Variants in CRIM1 observed in about 807,000 individuals in gnomAD.
CRIM1 encodes cysteine rich transmembrane BMP regulator 1.
CRIM1 carries 32 observed loss-of-function variants against 116.4 expected under a neutral mutation model. The ratio of observed to expected loss-of-function variants is 0.27; its 90% CI spans 0.21 to 0.37. The LOEUF (loss-of-function observed/expected upper bound fraction) is 0.37, where lower values mean the gene tolerates loss of function less well. CRIM1 is among the 10% of genes least tolerant of loss of function. CRIM1 has a pLI of 1.00. For missense variants in CRIM1, 1,331 were observed against 1,354.8 expected (o/e 0.98, Z 0.28); for synonymous variants, 590 against 509.2 (o/e 1.16, Z -2.13).
At chr2:36,405,004 C>T (rs1346813887) in intron 2 of CRIM1, among the ~76,000 whole-genome samples, 1 of 152,010 alleles carries the variant, frequency 6.6e-6, no homozygotes, top group African/African-American at 2.4e-5. Context: ...CGATTGTTAC[C>T]TCGTCCTTGG....
intron 2 of CRIM1, among the ~76,000 whole-genome samples, chr2:36,408,067 G>A (rs1672946110): frequency 1.3e-5 from 2 of 152,190 alleles, no homozygotes; most frequent in Non-Finnish European, 2.9e-5. Context: ...AGTTGTAGGT[G>A]AGCAGGTTTT....
At chr2:36,372,450 A>G (rs1028226763) in intron 1 of CRIM1, among the ~76,000 whole-genome samples, 1 of 152,220 alleles carries the variant, frequency 6.6e-6, no homozygotes, top group Non-Finnish European at 1.5e-5. Context: ...ACAAATTAAG[A>G]TGGAATAAGA....
At chr2:36,525,275 A>G (rs552707478) in intron 13 of CRIM1, among the ~76,000 whole-genome samples, 2 of 152,344 alleles carry the variant, frequency 1.3e-5, no homozygotes, top group African/African-American at 2.4e-5. Context: ...TAGCCCTGCT[A>G]TATCTAAACA....
chr2:36,432,161 C>CT (rs1553382774), intron 2 of CRIM1, among the ~76,000 whole-genome samples: 1 of 152,042 alleles, frequency 6.6e-6, no homozygotes, highest in African/African-American at 2.4e-5. Context: ...ATTTTGATTC[C>CT]TTTTTTGTGG....
chr2:36,495,240 C>T (rs765991831), intron 7 of CRIM1, among the ~76,000 whole-genome samples: 1 of 152,112 alleles, frequency 6.6e-6, no homozygotes, highest in African/African-American at 2.4e-5. Flanking sequence ...TGCCATACCC[C>T]CTGTAACATA....
At chr2:36,544,617 T>A in intron 15 of CRIM1, 119 bp downstream of exon 15, 1 of 1,084,544 alleles carries the variant, frequency 9.2e-7, no homozygotes, top group Non-Finnish European at 1.2e-6. Flanking sequence ...TAAATTCAAA[T>A]AACTATTCCC....
chr2:36,455,040 A>C (rs1677030909), intron 4 of CRIM1, among the ~76,000 whole-genome samples: 1 of 152,168 alleles, frequency 6.6e-6, no homozygotes, highest in Admixed American at 6.5e-5. Flanking sequence ...AGAGAAAAGG[A>C]AACGATCTGG....
chr2:36,468,786 G>A (rs773705736), intron 5 of CRIM1, among the ~76,000 whole-genome samples: 9 of 152,084 alleles, frequency 5.9e-5, no homozygotes, highest in Non-Finnish European at 1.3e-4. Context: ...CCCACCTCTC[G>A]TTCCTGGAGG....
chr2:36,382,546 A>G (rs1007481280), intron 1 of CRIM1, among the ~76,000 whole-genome samples: 1 of 152,230 alleles, frequency 6.6e-6, no homozygotes, highest in Non-Finnish European at 1.5e-5. Context: ...TCCTAGGAAT[A>G]GTGGTCCTGG....
rs535396883 is a variant in CRIM1 at position 36,420,500 on chromosome 2, G to A, written c.506-20758G>A. Among the ~76,000 whole-genome samples the A allele has an allele frequency of 5.9e-5, 9 of 152,272 alleles. No homozygotes were observed. The South Asian group carries it at 1.0e-3, about 18-fold the overall frequency. ...GTCCGTCAAGATTTAATGATCACCA[G>A]CGTTGTCCCAGGCACAGTGCAGACA... On this transcript the variant is annotated intron_variant, in intron 2 of 16. Coordinates refer to ENST00000280527, the MANE Select transcript of CRIM1 (RefSeq NM_016441.3).
chr2:36,418,151 T>C (rs2124843010), intron 2 of CRIM1, among the ~76,000 whole-genome samples: 1 of 151,882 alleles, frequency 6.6e-6, no homozygotes, highest in South Asian at 2.1e-4. Context: ...CAAGGAGGAG[T>C]GTTTACTTCC....
intron 7 of CRIM1, among the ~76,000 whole-genome samples, chr2:36,486,707 TAAGAC>T (rs1320694589): frequency 1.3e-5 from 2 of 152,194 alleles, no homozygotes; most frequent in African/African-American, 4.8e-5. Flanking sequence ...ATTTTCCTAC[TAAGAC>T]AATAATTGCA....
At chr2:36,539,042 G>A (rs1008274119) in intron 14 of CRIM1, among the ~76,000 whole-genome samples, 2 of 152,344 alleles carry the variant, frequency 1.3e-5, no homozygotes, top group African/African-American at 2.4e-5. Flanking sequence ...CGGAGCTTAC[G>A]TTGTAGTAGG....
At chr2:36,402,569 G>T (rs77387628) in intron 2 of CRIM1, among the ~76,000 whole-genome samples, 2,323 of 151,974 alleles carry the variant, frequency 0.015, 63 homozygotes, top group African/African-American at 0.054. Flanking sequence ...GACATGATTT[G>T]TCTTTTAAAA....
chr2:36,442,815 T>C, intron 4 of CRIM1, 80 bp downstream of exon 4: 1 of 1,551,798 alleles, frequency 6.4e-7, no homozygotes, highest in Non-Finnish European at 8.8e-7. Context: ...TGCAGTTTGT[T>C]TTCCCATGAG....
intron 1 of CRIM1, among the ~76,000 whole-genome samples, chr2:36,382,110 A>C (rs148899875): frequency 6.6e-6 from 1 of 152,142 alleles, no homozygotes; most frequent in Non-Finnish European, 1.5e-5. Flanking sequence ...TGTATCCTCA[A>C]CTTCCTCCTA....
chr2:36,547,185 A>G lies in CRIM1; in HGVS notation c.2934+14A>G. ...ACACCAACTAAGGTACTGTCTTGCA[A>G]AAGTTAGTCTCTTGAATGATGAATC... On this transcript the variant is annotated intron_variant, in intron 16 of 16. Coordinates refer to ENST00000280527, the MANE Select transcript of CRIM1 (RefSeq NM_016441.3). The G allele has an allele frequency of 6.3e-7, 1 of 1,598,068 alleles. No individual in the cohort carries two copies. The highest frequency in any genetic ancestry group is 8.5e-7 in the Non-Finnish European group (1 of 1,169,798).
At chr2:36,481,056 G>A (rs1007027735) in intron 7 of CRIM1, among the ~76,000 whole-genome samples, 2 of 152,116 alleles carry the variant, frequency 1.3e-5, no homozygotes, top group African/African-American at 4.8e-5. Context: ...TGGGACACAC[G>A]GTAAGGAATA....
chr2:36,501,774 T>C (rs1431664567), intron 8 of CRIM1, among the ~76,000 whole-genome samples: 1 of 151,878 alleles, frequency 6.6e-6, no homozygotes, highest in Admixed American at 6.6e-5. Flanking sequence ...GTTACTACCA[T>C]CTTTAAATTT....
Sources: allele counts gnomAD v4.1 joint callset (sites outside exome capture counted in the v4.1 genomes callset), GRCh38; gene constraint gnomAD v4.1.1; transcripts MANE v1.5; gene names NCBI Gene and HGNC (gene_info 2026-07-23, HGNC 2026-07-21).